Variants in SCML2 observed in about 807,000 individuals in gnomAD.
SCML2 encodes the protein sex comb on midleg-like protein 2.
SCML2 carries 6 observed loss-of-function variants against 48.4 expected under a neutral mutation model. The observed-to-expected ratio is 0.12, with a 90% CI of 0.07 to 0.24. The LOEUF is 0.24. Among genes scored for constraint, SCML2 ranks in the 10% least tolerant of loss-of-function variants. SCML2 has a pLI of 1.00. For missense variants in SCML2, 377 were observed against 528.2 expected, an observed-to-expected ratio of 0.71 and a Z score of 2.81; for synonymous variants, 181 against 189.5, an observed-to-expected ratio of 0.95 and a Z score of 0.37.
intron 6 of SCML2, among the ~76,000 whole-genome samples, chrX:18,313,807 T>C (rs1433649502): frequency 1.8e-5 from 2 of 112,198 alleles, no homozygotes; most frequent in African/African-American, 3.2e-5. Context: ...CTTCCAGCCT[T>C]TGCCAGTTTC....
At chrX:18,346,944 C>T (rs1843143769) in intron 1 of SCML2, among the ~76,000 whole-genome samples, 1 of 111,347 alleles carries the variant, frequency 9.0e-6, no homozygotes, top group Non-Finnish European at 1.9e-5. Context: ...GTGTATATTC[C>T]ATTGTATAAC....
At chrX:18,322,615 C>T (rs781204505) in intron 5 of SCML2, among the ~76,000 whole-genome samples, 21 of 111,976 alleles carry the variant, frequency 1.9e-4, no homozygotes, top group South Asian at 3.7e-4. Flanking sequence ...ATATTTTAGC[C>T]GGGCACAGTG....
At chrX:18,316,637 T>C (rs182745903) in intron 6 of SCML2, among the ~76,000 whole-genome samples, 1 of 111,817 alleles carries the variant, frequency 8.9e-6, no homozygotes, top group Non-Finnish European at 1.9e-5. Flanking sequence ...TGGTGGAGCA[T>C]AGCTTAGAAC....
intron 1 of SCML2, among the ~76,000 whole-genome samples, chrX:18,345,603 G>C (rs1175823148): frequency 9.0e-6 from 1 of 110,878 alleles, no homozygotes; most frequent in Non-Finnish European, 1.9e-5. Flanking sequence ...TGTTGCCCAG[G>C]CTGGTCTCAA....
chrX:18,353,055 C>T (rs1930422257), intron 1 of SCML2, among the ~76,000 whole-genome samples: 1 of 107,845 alleles, frequency 9.3e-6, no homozygotes, highest in African/African-American at 3.4e-5. Flanking sequence ...CAGGTGAATA[C>T]TCATAAACTC....
At chrX:18,280,753 T>C (rs1455538308) in intron 7 of SCML2, among the ~76,000 whole-genome samples, 1 of 111,561 alleles carries the variant, frequency 9.0e-6, no homozygotes, top group Non-Finnish European at 1.9e-5. Context: ...AAAAATAAGA[T>C]AATGAAGGTA....
At chrX:18,304,865 T>C in intron 7 of SCML2, 107 bp downstream of exon 7, 1 of 901,218 alleles carries the variant, frequency 1.1e-6, no homozygotes, top group Non-Finnish European at 1.6e-6. Flanking sequence ...TGCCACCAGT[T>C]GGGGCATGTA....
At chrX:18,343,183 T>C (rs1930074955) in intron 1 of SCML2, among the ~76,000 whole-genome samples, 1 of 108,897 alleles carries the variant, frequency 9.2e-6, no homozygotes, top group Non-Finnish European at 1.9e-5. Flanking sequence ...TTTTTTTTTA[T>C]TTTGTTTTGT....
chrX:18,267,031 C>T (rs1448013009), intron 7 of SCML2, among the ~76,000 whole-genome samples: 1 of 112,192 alleles, frequency 8.9e-6, no homozygotes, highest in Non-Finnish European at 1.9e-5. Context: ...ATTATTTCTG[C>T]ATACATAGTC....
intron 2 of SCML2, among the ~76,000 whole-genome samples, chrX:18,333,755 G>A (rs1031775809): frequency 8.9e-6 from 1 of 112,021 alleles, no homozygotes; most frequent in Non-Finnish European, 1.9e-5. Context: ...ACTTCTCATA[G>A]AGCAAAACAG....
chrX:18,267,575 T>C, intron 7 of SCML2, among the ~76,000 whole-genome samples: 1 of 103,576 alleles, frequency 9.7e-6, no homozygotes, highest in East Asian at 3.1e-4. Flanking sequence ...CTGTCGTACA[T>C]TCTTTTTTGT....
At position 18,242,519 on chromosome X, in the gene SCML2, A is replaced by C; in HGVS notation, c.1894T>G (p.Ser632Ala). ...QGFSKDPSTW[S>A]VDEVIQFMKH... The stretch of plus-strand genomic sequence containing the variant: ...ATAAACTGTATCACTTCATCCACAG[A>C]CCAGGTTGAAGGGTCCTTAGAGAAG... The change falls in exon 14 of 15, where the codon TCT becomes GCT. Residue 632 changes from serine (S) to alanine (A), a missense_variant. This residue lies in a region of SCML2 where 299 missense variants were observed against 425.5 expected (regional missense o/e 0.70). Transcript: ENST00000251900. 8.3e-7 allele frequency: 1 copy of C among 1,208,111 alleles called. No homozygotes were observed. The highest frequency in any genetic ancestry group is 1.1e-6 in the Non-Finnish European group (1 of 893,549).
intron 6 of SCML2, among the ~76,000 whole-genome samples, chrX:18,306,889 G>C (rs979851924): frequency 9.1e-6 from 1 of 110,186 alleles, no homozygotes; most frequent in Non-Finnish European, 1.9e-5. Context: ...GGCTGGTCTC[G>C]AACTCCTGGC....
chrX:18,343,041 C>T (rs1930066825), intron 1 of SCML2, among the ~76,000 whole-genome samples: 1 of 111,376 alleles, frequency 9.0e-6, no homozygotes, highest in South Asian at 3.7e-4. Context: ...ACTAATGGGT[C>T]TATAATTCTA....
At chrX:18,325,062 G>C (rs1202189597) in intron 3 of SCML2, 85 bp from the exon 4 acceptor site, 18 of 505,077 alleles carry the variant, frequency 3.6e-5, no homozygotes, top group Non-Finnish European at 5.5e-5. Flanking sequence ...ATTAAAATGG[G>C]TTTTAGTTCC....
intron 1 of SCML2, among the ~76,000 whole-genome samples, chrX:18,344,168 T>TA (rs1054567791): frequency 1.1e-3 from 121 of 106,107 alleles, no homozygotes; most frequent in Non-Finnish European, 1.9e-3. Flanking sequence ...ACCCTGTCTC[T>TA]AAAAAAAAAA....
intron 1 of SCML2, among the ~76,000 whole-genome samples, chrX:18,348,615 C>A (rs900395094): frequency 8.9e-6 from 1 of 111,807 alleles, no homozygotes; most frequent in African/African-American, 3.2e-5. Flanking sequence ...TATATTAATT[C>A]TTTTAATGAC....
At chrX:18,266,704 C>A (rs1254051884) in intron 7 of SCML2, among the ~76,000 whole-genome samples, 1 of 112,078 alleles carries the variant, frequency 8.9e-6, no homozygotes, top group Non-Finnish European at 1.9e-5. Flanking sequence ...TTTTACAACT[C>A]CAAACCAATC....
chrX:18,246,615 G>A lies in SCML2; in HGVS notation c.1784C>T (p.Pro595Leu), dbSNP rs1209263222. ...LVGDISPKSS[P>L]HEVKFQMQRK... is the part of the protein sequence containing the mutation. ...CTGCATTTGGAATTTAACTTCATGG[G>A]GACTGCTCTTGGGGGATATGTCCCC... Residue 595 changes from proline (P) to leucine (L), a missense_variant, in exon 13 of 15, where the codon CCC becomes CTC. Pro to Leu is a moderately conservative substitution (Grantham distance 98, BLOSUM62 -3). This residue lies in a region of SCML2 where 299 missense variants were observed against 425.5 expected (regional missense o/e 0.70). Transcript: ENST00000251900. 1.7e-6 allele frequency: 2 copies of A among 1,204,791 alleles called. No homozygotes were observed. Among genetic ancestry groups the A allele is most frequent in the Non-Finnish European group, 2.2e-6 (2 of 892,960 alleles).
Sources: gnomAD v4.1 joint callset for allele counts (sites outside exome capture counted in the v4.1 genomes callset) on GRCh38, gnomAD v4.1.1 for gene constraint, gnomAD v4.1.1 regional missense constraint, MANE v1.5 for transcripts, NCBI Gene and HGNC (gene_info 2026-07-23, HGNC 2026-07-21) for gene names.